The following WFDC8 variants were observed in gnomAD, a reference collection of about 807,000 sequenced individuals.
The protein encoded by WFDC8 is WAP four-disulfide core domain 8.
In WFDC8, 24 loss-of-function variants were observed where a neutral mutation model predicts 27.0. The ratio of observed to expected loss-of-function variants is 0.89; its 90% confidence interval spans 0.64 to 1.25. The LOEUF (loss-of-function observed/expected upper bound fraction) is 1.25. Among genes scored for constraint, WFDC8 ranks in the 50% most tolerant of loss-of-function variants. The probability of loss-of-function intolerance (pLI) is 0.00; values close to 1 mark genes in which losing one functional copy is unlikely to be tolerated. For synonymous variants in WFDC8, 106 were observed against 99.7 expected (o/e 1.06, Z -0.38); for missense variants, 287 against 295.9 (o/e 0.97, Z 0.22).
intron 1 of WFDC8, chr20:45,568,066 A>G: frequency 3.1e-6 from 1 of 323,606 alleles, no homozygotes. Context: ...GGCAAAACTA[A>G]AAAAGCTGTT....
chr20:45,555,815 A>G lies in WFDC8; in HGVS notation c.331T>C (p.Trp111Arg). ...HGNCNHEAQRWHFDFKNYRCT... is the reference protein window; with the variant it reads ...HGNCNHEAQRRHFDFKNYRCT... Reference sequence around the variant, plus strand: ...CGGTAATTTTTAAAGTCAAAATGCCAGCGCTGTGCCTCATGATTACAGTTT... The same window carrying G: ...CGGTAATTTTTAAAGTCAAAATGCCGGCGCTGTGCCTCATGATTACAGTTT... The change falls in exon 4 of 6, where the codon TGG (tryptophan) becomes CGG (arginine). Residue 111 changes from tryptophan (W) to arginine (R), a missense_variant. By Grantham distance (101) the Trp-to-Arg change is moderately radical. Coordinates refer to ENST00000289953, the MANE Select transcript of WFDC8 (RefSeq NM_130896.3). 1 of 1,614,060 alleles carries G rather than the reference A, an allele frequency of 6.2e-7. No individual in the cohort carries two copies. Among genetic ancestry groups the G allele is most frequent in the Non-Finnish European group, 8.5e-7 (1 of 1,180,002 alleles).
intron 3 of WFDC8, among the ~76,000 whole-genome samples, 195 bp from the exon 4 acceptor site, chr20:45,556,063 A>C (rs540799540): frequency 6.6e-6 from 1 of 152,328 alleles, no homozygotes; most frequent in African/African-American, 2.4e-5. Flanking sequence ...ACCTCTGAGC[A>C]TCACTCCTTC....
rs770888676 is a variant in WFDC8 at position 45,555,771 on chromosome 20, G to C, written c.375C>G (p.Tyr125Ter). 6.2e-7 allele frequency: 1 copy of C among 1,613,648 alleles called. No individual in the cohort carries two copies. Among genetic ancestry groups the C allele is most frequent in the Admixed American group, 1.7e-5 (1 of 60,020 alleles). ...TGTTGGCATTCCCTTCGCAGCCCCT[G>C]TATTTGAAGGGTGTGCAGCGGTAAT... ...FKNYRCTPFK[Y>*]RGCEGNANNF... Residue 125 changes from tyrosine (Y) to a stop codon, truncating the protein, a stop_gained, in exon 4 of 6, where the codon TAC becomes TAG. Coordinates refer to ENST00000289953, the MANE Select transcript of WFDC8 (RefSeq NM_130896.3). LOFTEE classifies it high-confidence loss of function.
At chr20:45,574,807 G>GA (rs948170360) in intron 1 of WFDC8, among the ~76,000 whole-genome samples, 1 of 151,920 alleles carries the variant, frequency 6.6e-6, no homozygotes, top group East Asian at 1.9e-4. Flanking sequence ...CAAAATAAAA[G>GA]AAAAAAATAG....
In WFDC8 at chr20:45,578,332, T is replaced by G. The variant is rs527650467; in HGVS notation, c.26+890A>C. ...CCCCAAGTAATGGGAATCAACTGTATTTTTATTACTTTGGTGTACAAAGAA... is the reference window on the plus strand; with the variant it reads ...CCCCAAGTAATGGGAATCAACTGTAGTTTTATTACTTTGGTGTACAAAGAA... On this transcript the variant is annotated intron_variant, in intron 1 of 5. Transcript: ENST00000289953. Among the ~76,000 whole-genome samples, 10 of 151,528 alleles carry G rather than the reference T, an allele frequency of 6.6e-5. No homozygotes were observed. In the East Asian group the frequency reaches 1.9e-3, roughly 29 times the overall value.
In WFDC8 at chr20:45,556,529, G is replaced by A. The variant is rs185530393; in HGVS notation, c.278-661C>T. Among the ~76,000 whole-genome samples the A allele has an allele frequency of 4.0e-4, 61 of 152,246 alleles. 1 individual carries two copies. The highest frequency in any genetic ancestry group is 1.5e-3 in the Admixed American group (23 of 15,294). ...CAAGAAGTTTTGCAAAGGAGACGAG[G>A]GCTTTGAAGATGAGGAGCATTGTGG... On this transcript the variant is annotated intron_variant, in intron 3 of 5. Coordinates refer to ENST00000289953, the MANE Select transcript of WFDC8 (RefSeq NM_130896.3).
chr20:45,563,986 T>C (rs1307852222), intron 1 of WFDC8, among the ~76,000 whole-genome samples: 2 of 152,240 alleles, frequency 1.3e-5, no homozygotes, highest in Non-Finnish European at 2.9e-5. Context: ...ATAAGGAACA[T>C]AGTTCTACTA....
intron 1 of WFDC8, among the ~76,000 whole-genome samples, chr20:45,574,988 A>C (rs1980995259): frequency 6.6e-6 from 1 of 152,156 alleles, no homozygotes; most frequent in African/African-American, 2.4e-5. Context: ...TTTTATGATA[A>C]AAAATCTCAA....
chr20:45,579,273 T>C lies in WFDC8; in HGVS notation c.-26A>G. 1 of 1,613,838 alleles carries C rather than the reference T, an allele frequency of 6.2e-7. No homozygotes were observed. Among genetic ancestry groups the C allele is most frequent in the Non-Finnish European group, 8.5e-7 (1 of 1,179,870 alleles). ...CAGGCCTCTTCCCTATGGAGACAGC[T>C]TCCTCACTTTGCTCCAGCTCTAAGG... On this transcript the variant is annotated 5_prime_UTR_variant, in exon 1 of 6. Coordinates refer to ENST00000289953, the MANE Select transcript of WFDC8 (RefSeq NM_130896.3).
chr20:45,561,621 A>G (rs1169818506), intron 2 of WFDC8, among the ~76,000 whole-genome samples: 1 of 152,036 alleles, frequency 6.6e-6, no homozygotes, highest in Non-Finnish European at 1.5e-5. Flanking sequence ...CCACTCCCTC[A>G]GATCAGCACC....
At chr20:45,569,235 G>A (rs370614486) in intron 1 of WFDC8, among the ~76,000 whole-genome samples, 16 of 152,196 alleles carry the variant, frequency 1.1e-4, no homozygotes, top group African/African-American at 3.6e-4. Flanking sequence ...GGAGAGGGAG[G>A]GTTAAAATAA....
intron 2 of WFDC8, chr20:45,559,633 A>G (rs1327850645): frequency 2.6e-5 from 4 of 152,264 alleles, no homozygotes; most frequent in Admixed American, 2.6e-4. Flanking sequence ...CAGGCTGATT[A>G]TAAGAGTTAA....
At chr20:45,551,487 G>A (rs1980030904), downstream of WFDC8, 1 of 152,200 alleles carries the variant, frequency 6.6e-6, no homozygotes, top group Non-Finnish European at 1.5e-5. Flanking sequence ...AAATTAGCTG[G>A]GCATGATGGT....
intron 1 of WFDC8, among the ~76,000 whole-genome samples, chr20:45,567,389 G>A (rs1334272551): frequency 6.6e-6 from 1 of 152,122 alleles, no homozygotes; most frequent in Middle Eastern, 3.2e-3. Context: ...GGCAAATACA[G>A]CCAAATACCA....
At chr20:45,559,918 C>T (rs1446424580) in intron 2 of WFDC8, 1 of 152,090 alleles carries the variant, frequency 6.6e-6, no homozygotes, top group Non-Finnish European at 1.5e-5. Flanking sequence ...GATTTCAGTG[C>T]TTGTGGTAGG....
At chr20:45,555,596 G>T in intron 4 of WFDC8, 105 bp downstream of exon 4, 1 of 1,342,974 alleles carries the variant, frequency 7.4e-7, no homozygotes. Context: ...ACAGAGCTAA[G>T]TCTTGAACCA....
At chr20:45,563,429 C>A (rs995938399) in intron 1 of WFDC8, among the ~76,000 whole-genome samples, 1 of 152,176 alleles carries the variant, frequency 6.6e-6, no homozygotes, top group Non-Finnish European at 1.5e-5. Context: ...GAGTTCACAT[C>A]CTGAATCCAC....
intron 3 of WFDC8, among the ~76,000 whole-genome samples, chr20:45,557,614 G>A (rs980282460): frequency 1.3e-5 from 2 of 152,032 alleles, no homozygotes; most frequent in African/African-American, 4.8e-5. Flanking sequence ...TGTATTTTTA[G>A]TAGAGACAAG....
rs995116391 is a variant in WFDC8, at chr20:45,573,978, C to G, written c.26+5244G>C. Among the ~76,000 whole-genome samples, 4 of 152,192 alleles carry G rather than the reference C, an allele frequency of 2.6e-5. No homozygotes were observed. In the South Asian group the frequency reaches 8.3e-4, roughly 32 times the overall value. ...TGCCTCCAGCTGTGTTCTTTTTGCT[C>G]AAGGTTGCTTGAGATTCTTGGGGTC... On this transcript the variant is annotated intron_variant, in intron 1 of 5. Transcript: ENST00000289953.
Sources: gnomAD v4.1 joint callset for allele counts (sites outside exome capture counted in the v4.1 genomes callset) on GRCh38, gnomAD v4.1.1 for gene constraint, MANE v1.5 for transcripts, NCBI Gene and HGNC (gene_info 2026-07-23, HGNC 2026-07-21) for gene names.